The following KALRN variants were observed in gnomAD, a reference collection of about 807,000 sequenced individuals.
KALRN encodes the protein kalirin RhoGEF kinase.
A neutral mutation model predicts 353.7 loss-of-function variants in KALRN; 70 were observed. That is an observed-to-expected ratio of 0.20 (90% CI 0.16 to 0.24). The LOEUF (loss-of-function observed/expected upper bound fraction) is 0.24. Among genes scored for constraint, KALRN ranks in the 10% least tolerant of loss-of-function variants. KALRN has a pLI of 1.00. For missense variants in KALRN, 2,791 were observed against 3,756.7 expected, an observed-to-expected ratio of 0.74 and a Z score of 6.72; for synonymous variants, 1,391 against 1,434.8, an observed-to-expected ratio of 0.97 and a Z score of 0.69.
chr3:124,487,109 G>T (rs526177), intron 28 of KALRN, among the ~76,000 whole-genome samples: 1 of 152,144 alleles, frequency 6.6e-6, no homozygotes, highest in South Asian at 2.1e-4. Flanking sequence ...CTGCCCCCTC[G>T]AGGAGAGAGT....
chr3:124,098,688 C>T (rs757255460), intron 1 of KALRN, among the ~76,000 whole-genome samples: 2 of 152,194 alleles, frequency 1.3e-5, no homozygotes, highest in African/African-American at 4.8e-5. Context: ...GCCTACCTGT[C>T]TTCCTTGCCT....
intron 5 of KALRN, among the ~76,000 whole-genome samples, chr3:124,298,447 A>G (rs2077014655): frequency 2.0e-5 from 3 of 152,264 alleles, no homozygotes; most frequent in Admixed American, 6.5e-5. Context: ...AGATGCATTA[A>G]GCCTCCCAGC....
chr3:124,037,487 G>T (rs2039538859), intron 1 of KALRN, among the ~76,000 whole-genome samples: 1 of 152,182 alleles, frequency 6.6e-6, no homozygotes. Flanking sequence ...CAAGAGTGGA[G>T]ATTGGATTTG....
At chr3:124,078,137 C>T (rs2060352564) in intron 1 of KALRN, among the ~76,000 whole-genome samples, 1 of 152,196 alleles carries the variant, frequency 6.6e-6, no homozygotes, top group Admixed American at 6.5e-5. Flanking sequence ...TGCCTTTGCT[C>T]CTGTTTTTCC....
chr3:124,300,391 T>G (rs1388336589), intron 6 of KALRN, among the ~76,000 whole-genome samples: 1 of 152,114 alleles, frequency 6.6e-6, no homozygotes, highest in Admixed American at 6.5e-5. Context: ...ATCCCTAGCT[T>G]GTAGGAGCTC....
At chr3:124,607,941 C>CAA (rs2077523099) in intron 34 of KALRN, among the ~76,000 whole-genome samples, 1 of 151,860 alleles carries the variant, frequency 6.6e-6, no homozygotes, top group South Asian at 2.1e-4. Context: ...TTGTATCCTG[C>CAA]TTTTTTTCCA....
At chr3:124,296,237 C>G (rs1259750161) in intron 5 of KALRN, among the ~76,000 whole-genome samples, 1 of 152,164 alleles carries the variant, frequency 6.6e-6, no homozygotes, top group East Asian at 1.9e-4. Context: ...TCACAGGCCT[C>G]CCAAACTCAG....
chr3:124,268,790 C>G lies in KALRN; in HGVS notation c.504C>G (p.Ser168=), dbSNP rs201932213. 1.4e-5 allele frequency: 23 copies of G among 1,614,174 alleles called. No individual in the cohort carries two copies. The highest frequency in any genetic ancestry group is 8.3e-5 in the Admixed American group (5 of 60,024). The change falls in exon 5 of 60, where the codon TCC becomes TCG. Residue 168 remains serine (S), a synonymous_variant. Transcript: ENST00000682506. The part of the protein sequence containing the change: ...VEGLTKLVDP[S]QLTEEFDGSL... ...GCCTCACAAAGCTGGTGGACCCCTC[C>G]CAGCTGACGGAGGAGTTTGATGGCT...
chr3:124,556,646 T>C (rs533829608), intron 33 of KALRN, among the ~76,000 whole-genome samples: 14 of 152,330 alleles, frequency 9.2e-5, no homozygotes, highest in African/African-American at 2.6e-4. Context: ...CCCCTCAAAG[T>C]GTTACACCTC....
chr3:124,320,492 G>A (rs2079216569), intron 6 of KALRN, among the ~76,000 whole-genome samples: 1 of 152,184 alleles, frequency 6.6e-6, no homozygotes, highest in African/African-American at 2.4e-5. Flanking sequence ...AGACCACAAA[G>A]TGAAGAGCCC....
intron 6 of KALRN, among the ~76,000 whole-genome samples, chr3:124,316,980 G>A (rs2078873611): frequency 6.6e-6 from 1 of 152,152 alleles, no homozygotes; most frequent in Non-Finnish European, 1.5e-5. Context: ...TGTTCCTCAG[G>A]GCAGCTGGCT....
At chr3:124,405,744 C>T (rs550607952) in intron 13 of KALRN, among the ~76,000 whole-genome samples, 4 of 151,134 alleles carry the variant, frequency 2.6e-5, no homozygotes, top group East Asian at 3.9e-4. Flanking sequence ...CCTGGGTTCA[C>T]GCCATTCTCC....
At chr3:124,499,745 C>T (rs970523650) in intron 33 of KALRN, among the ~76,000 whole-genome samples, 2 of 152,164 alleles carry the variant, frequency 1.3e-5, no homozygotes, top group African/African-American at 4.8e-5. Flanking sequence ...TAGTTATAGT[C>T]TATTACCGTC....
At chr3:124,080,151 A>G (rs939747145) in intron 1 of KALRN, 3 of 449,720 alleles carry the variant, frequency 6.7e-6, no homozygotes, top group Non-Finnish European at 1.4e-5. Flanking sequence ...CACCTTCTGT[A>G]TAGTATGAGT....
rs916769401 is a variant in KALRN, at chr3:124,423,128, T to C, written c.2709+150T>C. The C allele has an allele frequency of 2.8e-5, 18 of 652,372 alleles. No individual in the cohort carries two copies. In the Admixed American group the frequency reaches 5.6e-4, roughly 20 times the overall value. 40.4% of individuals were successfully genotyped at this position (652,372 alleles called of 1,614,324 possible). A position where few individuals can be genotyped will look rare whatever the true frequency, so the allele number is the denominator to read the frequency against. On this transcript the variant is annotated intron_variant, in intron 15 of 59. Transcript: ENST00000682506. ...GAAAATAGGTAAGTTAAGGACTACT[T>C]GTATTAGTTTCTGAAAGCTTGGCTG...
At chr3:124,289,362 G>A (rs554945705) in intron 5 of KALRN, among the ~76,000 whole-genome samples, 5 of 152,150 alleles carry the variant, frequency 3.3e-5, no homozygotes, top group Non-Finnish European at 7.4e-5. Flanking sequence ...CTGTATTGGG[G>A]AGACCATTTA....
chr3:124,169,857 C>G (rs958698111), intron 1 of KALRN, among the ~76,000 whole-genome samples: 14 of 152,078 alleles, frequency 9.2e-5, no homozygotes, highest in Non-Finnish European at 1.9e-4. Flanking sequence ...TGGAGTAGAA[C>G]TATGGAAATT....
Position 124,482,791 on chromosome 3 carries a change from T to C in KALRN, c.4192-17T>C. Reference sequence around the variant, plus strand: ...CACCCCTCTGTGTCTAATTGCACATTGTTCTCATCCCTGCAGGAGATACAA... The same window carrying C: ...CACCCCTCTGTGTCTAATTGCACATCGTTCTCATCCCTGCAGGAGATACAA... On this transcript the variant is annotated splice_polypyrimidine_tract_variant and intron_variant, in intron 27 of 59. Coordinates refer to ENST00000682506, the MANE Select transcript of KALRN (RefSeq NM_001388419.1). 1 of 1,569,864 alleles carries C rather than the reference T, an allele frequency of 6.4e-7. No individual in the cohort carries two copies. Among genetic ancestry groups the C allele is most frequent in the South Asian group, 1.1e-5 (1 of 90,220 alleles).
intron 10 of KALRN, among the ~76,000 whole-genome samples, chr3:124,376,770 G>A (rs1156853948): frequency 6.6e-6 from 1 of 152,092 alleles, no homozygotes; most frequent in African/African-American, 2.4e-5. Context: ...CAGAGTTTTT[G>A]GGTTGAGTGA....
Sources: allele counts gnomAD v4.1 joint callset (sites outside exome capture counted in the v4.1 genomes callset), GRCh38; gene constraint gnomAD v4.1.1; transcripts MANE v1.5; gene names NCBI Gene and HGNC (gene_info 2026-07-23, HGNC 2026-07-21).